FOXP2: variants seen among roughly 807,000 people sequenced by gnomAD.
FOXP2 encodes forkhead box P2.
In FOXP2, 12 loss-of-function variants were observed where a neutral mutation model predicts 115.8. The ratio of observed to expected loss-of-function variants is 0.10; its 90% confidence interval spans 0.07 to 0.17. FOXP2 has a LOEUF of 0.17. Among genes scored for constraint, FOXP2 ranks in the 10% least tolerant of loss-of-function variants. The pLI, the probability that FOXP2 is intolerant of heterozygous loss-of-function variation, is 1.00. For synonymous variants in FOXP2, 328 were observed against 297.7 expected (o/e 1.10, Z -1.05); for missense variants, 629 against 843.5 (o/e 0.75, Z 3.15).
Position 114,244,864 on chromosome 7 carries a change from C to G in FOXP2, c.-101-43155C>G, listed in dbSNP as rs552350237. The stretch of plus-strand genomic sequence containing the variant: ...GCAAGCTCCGCCTCCCGGGTTCACG[C>G]CATTCTCCTGCCTCAGCCTCCCGAG... On this transcript the variant is annotated intron_variant, in intron 1 of 17. Coordinates refer to the FOXP2 transcript ENST00000634411. Among the ~76,000 whole-genome samples the G allele has an allele frequency of 2.6e-3, 394 of 152,012 alleles. 3 individuals carry two copies. Among genetic ancestry groups the G allele is most frequent in the African/African-American group, 9.1e-3 (379 of 41,486 alleles).
intron 3 of FOXP2, among the ~76,000 whole-genome samples, chr7:114,581,189 A>C (rs537993980): frequency 2.7e-5 from 4 of 146,350 alleles, no homozygotes; most frequent in Non-Finnish European, 6.0e-5. Context: ...TTATTTATTT[A>C]TTTATTTATT....
intron 6 of FOXP2, among the ~76,000 whole-genome samples, chr7:114,637,078 GA>G (rs1805263237): frequency 6.6e-6 from 1 of 152,124 alleles, no homozygotes; most frequent in Admixed American, 6.5e-5. Context: ...AGCTACTTGG[GA>G]GGCTCAGGAG....
In FOXP2 at chr7:114,689,803, A is replaced by G. The variant is rs771527975; in HGVS notation, c.2025A>G (p.Glu675=). 1 of 1,613,488 alleles carries G rather than the reference A, an allele frequency of 6.2e-7. No individual in the cohort carries two copies. Among genetic ancestry groups the G allele is most frequent in the South Asian group, 1.1e-5 (1 of 91,072 alleles). The change falls in exon 17 of 17, where the codon GAA becomes GAG. Residue 675 remains glutamate (E), a synonymous_variant. Transcript: ENST00000350908. ...TCAGACATTCAATCCACGTCAAGGA[A>G]GAGCCAGTGATTGCAGAGGATGAAG... The part of the protein sequence containing the change: ...QPHIHSIHVK[E]EPVIAEDEDC...
intron 1 of FOXP2, among the ~76,000 whole-genome samples, chr7:114,423,748 T>C (rs1428083751): frequency 6.6e-6 from 1 of 151,660 alleles, no homozygotes; most frequent in Non-Finnish European, 1.5e-5. Context: ...GTGCTGGAAA[T>C]ATTTCCTATA....
At chr7:114,103,483 A>G (rs1185640373) in intron 1 of FOXP2, among the ~76,000 whole-genome samples, 1 of 151,952 alleles carries the variant, frequency 6.6e-6, no homozygotes, top group Non-Finnish European at 1.5e-5. Flanking sequence ...GTGTAGAGGA[A>G]TGTTTCTGTT....
intron 1 of FOXP2, among the ~76,000 whole-genome samples, chr7:114,239,437 G>T (rs1795096857): frequency 6.6e-6 from 1 of 152,030 alleles, no homozygotes; most frequent in Non-Finnish European, 1.5e-5. Flanking sequence ...TCATATATGG[G>T]TATTTTTATT....
intron 1 of FOXP2, among the ~76,000 whole-genome samples, chr7:114,172,908 G>T (rs1007951243): frequency 6.6e-6 from 1 of 152,080 alleles, no homozygotes; most frequent in African/African-American, 2.4e-5. Context: ...TTACAAAGCA[G>T]TGTATTTTAT....
At position 114,176,234 on chromosome 7, in the gene FOXP2, T is replaced by G. The variant is rs11761377; in HGVS notation, c.-102+13146T>G. Among the ~76,000 whole-genome samples, 196 of 149,638 alleles carry G rather than the reference T, an allele frequency of 1.3e-3. 1 individual carries two copies. The South Asian group carries it at 0.019, about 14-fold the overall frequency. ...GTCTTGTCTTGTCTTGTCTTGTCTTTTCTTTCTTTCTTTCTCTCTCTCTCT... is the reference window on the plus strand; with the variant it reads ...GTCTTGTCTTGTCTTGTCTTGTCTTGTCTTTCTTTCTTTCTCTCTCTCTCT... On this transcript the variant is annotated intron_variant, in intron 1 of 17. Coordinates refer to the FOXP2 transcript ENST00000634411.
chr7:114,173,142 T>A (rs754030543), intron 1 of FOXP2, among the ~76,000 whole-genome samples: 30 of 152,104 alleles, frequency 2.0e-4, no homozygotes, highest in Admixed American at 2.6e-4. Flanking sequence ...TCCTTAAATT[T>A]TAATATAATT....
intron 4 of FOXP2, among the ~76,000 whole-genome samples, chr7:114,629,384 A>T (rs1437720496): frequency 6.6e-6 from 1 of 152,180 alleles, no homozygotes. Context: ...TTACTTGTAA[A>T]TCTGACATTG....
At chr7:114,301,099 C>A (rs371532039) in intron 2 of FOXP2, among the ~76,000 whole-genome samples, 3 of 151,856 alleles carry the variant, frequency 2.0e-5, no homozygotes, top group Non-Finnish European at 4.4e-5. Context: ...CCTATCTTAA[C>A]GAAATAGTCA....
intron 1 of FOXP2, among the ~76,000 whole-genome samples, chr7:114,279,136 C>T (rs1313255840): frequency 2.6e-5 from 4 of 152,102 alleles, no homozygotes; most frequent in African/African-American, 9.7e-5. Flanking sequence ...AATATTAATT[C>T]AGAATTTTTG....
chr7:114,559,100 T>C (rs1242495041), intron 3 of FOXP2, among the ~76,000 whole-genome samples: 1 of 152,192 alleles, frequency 6.6e-6, no homozygotes, highest in Admixed American at 6.5e-5. Context: ...AAAAATGCAG[T>C]AGTCCATAAG....
At position 114,277,361 on chromosome 7, in the gene FOXP2, G is replaced by T. The variant is rs538239831; in HGVS notation, c.-101-10658G>T. Among the ~76,000 whole-genome samples the T allele has an allele frequency of 3.9e-5, 6 of 152,202 alleles. No homozygotes were observed. In the South Asian group the frequency reaches 1.2e-3, roughly 32 times the overall value. ...TCAGAAAACTGTGAGAGTGGGGTTT[G>T]GAATTGCCCACCGTCGTTTCAGGGA... is the stretch of plus-strand genomic sequence containing the variant. On this transcript the variant is annotated intron_variant, in intron 1 of 17. Transcript: ENST00000634411.
chr7:114,375,302 C>T (rs555459244), intron 2 of FOXP2, among the ~76,000 whole-genome samples: 2 of 152,272 alleles, frequency 1.3e-5, no homozygotes, highest in South Asian at 2.1e-4. Context: ...CCTCCTTCCT[C>T]CTCGAGAGTA....
chr7:114,219,014 A>G (rs1794553753), intron 1 of FOXP2, among the ~76,000 whole-genome samples: 1 of 152,186 alleles, frequency 6.6e-6, no homozygotes, highest in Admixed American at 6.5e-5. Context: ...GCCTGAGTTC[A>G]GGCAAGAAAC....
At chr7:114,663,124 T>A (rs893348589) in intron 14 of FOXP2, among the ~76,000 whole-genome samples, 2 of 152,128 alleles carry the variant, frequency 1.3e-5, no homozygotes, top group Middle Eastern at 3.2e-3. Flanking sequence ...ATTTACATTT[T>A]AAAAATTTTG....
At chr7:114,303,946 T>C (rs1429848331) in intron 2 of FOXP2, among the ~76,000 whole-genome samples, 2 of 152,172 alleles carry the variant, frequency 1.3e-5, no homozygotes, top group Non-Finnish European at 2.9e-5. Flanking sequence ...CTTTATGAAA[T>C]ATTTCATAAT....
At chr7:114,570,608 C>A (rs1258301961) in intron 3 of FOXP2, among the ~76,000 whole-genome samples, 1 of 151,822 alleles carries the variant, frequency 6.6e-6, no homozygotes. Flanking sequence ...AAATATTCAA[C>A]TTCCCATCTG....
Sources: allele counts gnomAD v4.1 joint callset (sites outside exome capture counted in the v4.1 genomes callset), GRCh38; gene constraint gnomAD v4.1.1; transcripts MANE v1.5; gene names NCBI Gene and HGNC (gene_info 2026-07-23, HGNC 2026-07-21).